Variants in CSMD1 observed in about 807,000 individuals in gnomAD.
CSMD1 encodes the protein CUB and sushi domain-containing protein 1.
A neutral mutation model predicts 417.5 loss-of-function variants in CSMD1; 213 were observed. That is an observed-to-expected ratio of 0.51 (90% CI 0.46 to 0.57). The LOEUF (loss-of-function observed/expected upper bound fraction) is 0.57, where lower values mean the gene tolerates loss of function less well. Among genes scored for constraint, CSMD1 ranks in the 20% least tolerant of loss-of-function variants. The pLI is 0.00. For missense variants in CSMD1, 6,923 were observed against 4,529.7 expected (o/e 1.53, Z -15.17); for synonymous variants, 2,862 against 1,736.8 (o/e 1.65, Z -16.11).
intron 3 of CSMD1, among the ~76,000 whole-genome samples, chr8:4,401,730 A>G (rs1193195387): frequency 1.3e-5 from 2 of 151,946 alleles, no homozygotes; most frequent in Non-Finnish European, 2.9e-5. Context: ...TTCCCTTAAC[A>G]TTCCACCTGA....
intron 3 of CSMD1, among the ~76,000 whole-genome samples, chr8:4,113,569 T>A (rs1384375750): frequency 6.6e-6 from 1 of 152,066 alleles, no homozygotes; most frequent in Non-Finnish European, 1.5e-5. Flanking sequence ...CACACCTGGC[T>A]AATTTTCTGT....
intron 1 of CSMD1, among the ~76,000 whole-genome samples, chr8:4,744,149 G>A (rs756875512): frequency 6.6e-6 from 1 of 152,142 alleles, no homozygotes; most frequent in Non-Finnish European, 1.5e-5. Context: ...AATTTCTTTG[G>A]GTTCCCTATA....
At chr8:4,940,241 A>G (rs1449153013) in intron 1 of CSMD1, among the ~76,000 whole-genome samples, 4 of 152,204 alleles carry the variant, frequency 2.6e-5, no homozygotes, top group African/African-American at 9.7e-5. Context: ...GAAGGACAAG[A>G]ACAGAAATAG....
intron 54 of CSMD1, among the ~76,000 whole-genome samples, chr8:2,995,880 G>A (rs909148454): frequency 6.6e-6 from 1 of 152,156 alleles, no homozygotes; most frequent in Non-Finnish European, 1.5e-5. Context: ...CCAGGTTAAT[G>A]GATACCAGGA....
intron 5 of CSMD1, among the ~76,000 whole-genome samples, chr8:3,991,460 C>A (rs1305993290): frequency 1.3e-5 from 2 of 152,176 alleles, no homozygotes; most frequent in Non-Finnish European, 2.9e-5. Context: ...CATGTGTCCT[C>A]TTAGAAGCCT....
chr8:4,169,748 C>A (rs568197397), intron 3 of CSMD1, among the ~76,000 whole-genome samples: 1 of 152,214 alleles, frequency 6.6e-6, no homozygotes, highest in Non-Finnish European at 1.5e-5. Flanking sequence ...TTCAAACGCC[C>A]CCTTGAGGAC....
chr8:4,461,907 A>AT (rs1382563323), intron 2 of CSMD1, among the ~76,000 whole-genome samples: 36 of 151,764 alleles, frequency 2.4e-4, no homozygotes, highest in African/African-American at 8.2e-4. Flanking sequence ...CGCCCGGCTA[A>AT]TTTTTCTGTA....
chr8:3,142,806 G>C (rs568021133), intron 40 of CSMD1, 132 bp from the exon 41 acceptor site: 3 of 797,212 alleles, frequency 3.8e-6, no homozygotes, highest in Non-Finnish European at 6.2e-6. Flanking sequence ...ATGCCGTGGA[G>C]GACGGCATTC....
intron 23 of CSMD1, among the ~76,000 whole-genome samples, chr8:3,325,865 G>T (rs146078731): frequency 7.9e-5 from 12 of 152,142 alleles, no homozygotes; most frequent in Non-Finnish European, 8.8e-5. Context: ...ACCCAAAAAT[G>T]AAAGTAAATA....
At chr8:4,357,227 C>A (rs546110897) in intron 3 of CSMD1, among the ~76,000 whole-genome samples, 1 of 152,080 alleles carries the variant, frequency 6.6e-6, no homozygotes, top group South Asian at 2.1e-4. Flanking sequence ...GTTGAAAGAG[C>A]CTCTTACGTG....
intron 1 of CSMD1, among the ~76,000 whole-genome samples, chr8:4,956,178 A>G (rs1026579930): frequency 3.9e-5 from 6 of 151,968 alleles, no homozygotes; most frequent in Non-Finnish European, 7.4e-5. Flanking sequence ...TTTCTTTTCT[A>G]CTTGGGGCCA....
At chr8:3,773,987 C>T (rs1289791774) in intron 5 of CSMD1, among the ~76,000 whole-genome samples, 2 of 152,144 alleles carry the variant, frequency 1.3e-5, no homozygotes, top group African/African-American at 4.8e-5. Context: ...CATCTATTTG[C>T]TCTTAATTCT....
chr8:4,464,759 G>C (rs1800055432), intron 2 of CSMD1, among the ~76,000 whole-genome samples: 1 of 152,140 alleles, frequency 6.6e-6, no homozygotes, highest in Admixed American at 6.5e-5. Context: ...TTTAAGGCGA[G>C]TCCTGCTGAG....
At chr8:4,203,011 G>C (rs1799752724) in intron 3 of CSMD1, among the ~76,000 whole-genome samples, 1 of 152,192 alleles carries the variant, frequency 6.6e-6, no homozygotes, top group African/African-American at 2.4e-5. Context: ...CCCAGAACCT[G>C]TGACTATGTT....
In CSMD1 at chr8:4,770,028, C is replaced by T. The variant is rs140358115; in HGVS notation, c.86-132470G>A. 9.9e-4 allele frequency among the ~76,000 whole-genome samples: 150 copies of T among 152,026 alleles called. 1 individual carries two copies. The highest frequency in any genetic ancestry group is 3.4e-3 in the African/African-American group (140 of 41,486). ...GCAGAAAGACATTATTCTGTTACTC[C>T]GGTTCCTTTCTCCCATTCAGGAAAT... On this transcript the variant is annotated intron_variant, in intron 1 of 69. Coordinates refer to ENST00000635120, the MANE Select transcript of CSMD1 (RefSeq NM_033225.6).
chr8:3,220,836 A>T (rs1431283008), intron 28 of CSMD1, among the ~76,000 whole-genome samples: 1 of 152,112 alleles, frequency 6.6e-6, no homozygotes, highest in East Asian at 1.9e-4. Flanking sequence ...CTCATCTCAA[A>T]AACCAATCAA....
chr8:3,807,125 A>G (rs377580104), intron 5 of CSMD1, among the ~76,000 whole-genome samples: 114 of 152,212 alleles, frequency 7.5e-4, no homozygotes, highest in East Asian at 7.0e-3. Context: ...AATAGGGCAC[A>G]TTTCCTAAAG....
Position 3,523,988 on chromosome 8 carries a change from C to T in CSMD1, c.1345-30262G>A, listed in dbSNP as rs571155315. On this transcript the variant is annotated intron_variant, in intron 10 of 69. Transcript: ENST00000635120. ...TTACACATGCACACACACATGCACA[C>T]CCAGAGACACATATGCACACATGTG... 2.2e-4 allele frequency among the ~76,000 whole-genome samples: 34 copies of T among 151,216 alleles called. 1 individual carries two copies. Among genetic ancestry groups the T allele is most frequent in the African/African-American group, 7.8e-4 (32 of 40,984 alleles).
chr8:4,236,557 G>T (rs1479123564), intron 3 of CSMD1, among the ~76,000 whole-genome samples: 1 of 152,120 alleles, frequency 6.6e-6, no homozygotes, highest in Non-Finnish European at 1.5e-5. Flanking sequence ...AAAATTCAAC[G>T]TGATAGAAAG....
Sources: allele counts gnomAD v4.1 joint callset (sites outside exome capture counted in the v4.1 genomes callset), GRCh38; gene constraint gnomAD v4.1.1; transcripts MANE v1.5; gene names NCBI Gene and HGNC (gene_info 2026-07-23, HGNC 2026-07-21).